The following KCNN3 variants were observed in gnomAD, a reference collection of about 807,000 sequenced individuals.
The protein encoded by KCNN3 is small conductance calcium-activated potassium channel protein 3.
Under a neutral mutation model 62.9 loss-of-function variants are expected in KCNN3, and 16 were observed. That is an observed-to-expected ratio of 0.25 (90% confidence interval 0.17 to 0.39). KCNN3 has a LOEUF of 0.39. KCNN3 is among the 10% of genes least tolerant of loss of function. The pLI, the probability that KCNN3 is intolerant of heterozygous loss-of-function variation, is 1.00. For missense variants in KCNN3, 599 were observed against 949.4 expected, an observed-to-expected ratio of 0.63 and a Z score of 4.85; for synonymous variants, 370 against 389.2, an observed-to-expected ratio of 0.95 and a Z score of 0.58.
At chr1:154,850,437 C>G (rs141244672) in intron 1 of KCNN3, among the ~76,000 whole-genome samples, 135 of 152,342 alleles carry the variant, frequency 8.9e-4, no homozygotes, top group African/African-American at 3.0e-3. Context: ...GTGCCAGCAT[C>G]AGACACCAGC....
At chr1:154,815,529 T>C (rs1231279245) in intron 2 of KCNN3, among the ~76,000 whole-genome samples, 1 of 152,208 alleles carries the variant, frequency 6.6e-6, no homozygotes, top group Non-Finnish European at 1.5e-5. Flanking sequence ...TGGGTCACAG[T>C]GGATAAAGGT....
chr1:154,779,784 C>T (rs1373092439), intron 2 of KCNN3, among the ~76,000 whole-genome samples: 1 of 152,196 alleles, frequency 6.6e-6, no homozygotes, highest in African/African-American at 2.4e-5. Context: ...GCATTCCATC[C>T]TTGGACGGCC....
chr1:154,811,280 A>G (rs6700814), intron 2 of KCNN3, among the ~76,000 whole-genome samples: 59,596 of 152,052 alleles, frequency 0.39, 13,426 homozygotes, highest in African/African-American at 0.62. Context: ...GCCTTGGTGG[A>G]GGCACACAAG....
chr1:154,719,034 G>C (rs1201575237), intron 5 of KCNN3, among the ~76,000 whole-genome samples: 1 of 152,078 alleles, frequency 6.6e-6, no homozygotes, highest in Non-Finnish European at 1.5e-5. Context: ...CTCTGCCCAG[G>C]TAACCTGCTA....
At chr1:154,719,072 G>A (rs1343521971) in intron 5 of KCNN3, among the ~76,000 whole-genome samples, 2 of 152,164 alleles carry the variant, frequency 1.3e-5, no homozygotes, top group South Asian at 2.1e-4. Flanking sequence ...GCTGTCGGTT[G>A]CGGCAAGAAT....
intron 2 of KCNN3, among the ~76,000 whole-genome samples, chr1:154,808,276 T>G (rs1013267558): frequency 1.3e-5 from 2 of 152,166 alleles, no homozygotes; most frequent in African/African-American, 4.8e-5. Flanking sequence ...ATTCTCACCT[T>G]TCAACATTCC....
In KCNN3 at chr1:154,869,404, G is replaced by A; in HGVS notation, c.561C>T (p.Pro187=). 6.2e-7 allele frequency: 1 copy of A among 1,614,034 alleles called. No individual in the cohort carries two copies. Among genetic ancestry groups the A allele is most frequent in the Non-Finnish European group, 8.5e-7 (1 of 1,179,954 alleles). The change falls in exon 1 of 8, where the codon CCC becomes CCT. Residue 187 remains proline, a synonymous_variant. Transcript: ENST00000271915. The surrounding 1 kb of genome is among the most constrained non-coding windows in gnomAD (Gnocchi z 6.1). ...TCCGGGAGGCGCTGAGGCGGCTGAG[G>A]GGCTTCATGACCCCACCGCTATACT... ...SCKYSGGVMK[P]LSRLSASRRN...
chr1:154,858,963 G>A (rs150003805), intron 1 of KCNN3, among the ~76,000 whole-genome samples: 1 of 152,278 alleles, frequency 6.6e-6, no homozygotes, highest in Admixed American at 6.5e-5. Flanking sequence ...GCCCACCCAG[G>A]CTAGCACACC....
At position 154,707,991 on chromosome 1, in the gene KCNN3, A is replaced by G; in HGVS notation, c.2181T>C (p.Ser727=). The G allele has an allele frequency of 6.2e-7, 1 of 1,613,452 alleles. No individual in the cohort carries two copies. The highest frequency in any genetic ancestry group is 1.1e-5 in the South Asian group (1 of 90,926). ...SSTSFPTPYT[S]SSSC ...GGAGATTTATTTAGCAACTGCTTGAACTTGTGTACGGGGTCGGGAAGGAGG... is the reference window on the plus strand; with the variant it reads ...GGAGATTTATTTAGCAACTGCTTGAGCTTGTGTACGGGGTCGGGAAGGAGG... The change falls in exon 8 of 8, where the codon AGT becomes AGC. Residue 727 remains serine (S), a synonymous_variant. Transcript: ENST00000271915.
At chr1:154,714,296 T>C (rs1700164886) in intron 6 of KCNN3, among the ~76,000 whole-genome samples, 1 of 135,288 alleles carries the variant, frequency 7.4e-6, no homozygotes, top group African/African-American at 2.8e-5. Context: ...GTGGTGTGTA[T>C]GGTGTGTGTG....
intron 2 of KCNN3, among the ~76,000 whole-genome samples, chr1:154,811,039 A>C (rs1379042675): frequency 1.3e-5 from 2 of 152,264 alleles, no homozygotes; most frequent in Non-Finnish European, 2.9e-5. Flanking sequence ...ACTGTCGCCA[A>C]GAATCACTGA....
intron 3 of KCNN3, among the ~76,000 whole-genome samples, chr1:154,754,367 G>T (rs1052324816): frequency 6.6e-6 from 1 of 152,064 alleles, no homozygotes. Flanking sequence ...ATGGGGCTGG[G>T]AGTGGCATAA....
chr1:154,748,215 T>C (rs1700981845), intron 3 of KCNN3, among the ~76,000 whole-genome samples: 1 of 152,156 alleles, frequency 6.6e-6, no homozygotes, highest in African/African-American at 2.4e-5. Flanking sequence ...TCTGGGTCTC[T>C]GCTTGCTCTC....
intron 1 of KCNN3, among the ~76,000 whole-genome samples, chr1:154,861,767 G>A (rs750748165): frequency 2.6e-5 from 4 of 152,194 alleles, no homozygotes; most frequent in East Asian, 3.8e-4. Flanking sequence ...AGGACTCTCC[G>A]GACTGTGGCT....
At chr1:154,721,777 C>T (rs570770744) in intron 5 of KCNN3, among the ~76,000 whole-genome samples, 90 of 151,858 alleles carry the variant, frequency 5.9e-4, no homozygotes, top group African/African-American at 2.1e-3. Flanking sequence ...AAGATGGGGA[C>T]ATGAAAACAC....
In KCNN3 at chr1:154,860,390, T is replaced by C. The variant is rs150513043; in HGVS notation, c.933+8642A>G. Among the ~76,000 whole-genome samples the C allele has an allele frequency of 3.9e-5, 6 of 152,280 alleles. No homozygotes were observed. In the East Asian group the frequency reaches 1.2e-3, roughly 29 times the overall value. On this transcript the variant is annotated intron_variant, in intron 1 of 7. Coordinates refer to ENST00000271915, the MANE Select transcript of KCNN3 (RefSeq NM_002249.6). ...CCTCCAGGCCTCTCAGCCTCTGGCC[T>C]GGCCCCACGGGTTTATTTTTGTTCT...
rs150167188 is a variant in KCNN3 at position 154,719,958 on chromosome 1, C to T, written c.1702-4955G>A. ...GGGTAGAGAGAGAGGAGGTGTATTTCCGTTGTTCAGAGTTGGAGCTTGAGG... is the reference window on the plus strand; with the variant it reads ...GGGTAGAGAGAGAGGAGGTGTATTTTCGTTGTTCAGAGTTGGAGCTTGAGG... On this transcript the variant is annotated intron_variant, in intron 5 of 7. Transcript: ENST00000271915. Among the ~76,000 whole-genome samples, 5 of 152,276 alleles carry T rather than the reference C, an allele frequency of 3.3e-5. No homozygotes were observed. The East Asian group carries it at 9.6e-4, about 29-fold the overall frequency.
chr1:154,747,821 A>G (rs903847965), intron 3 of KCNN3, among the ~76,000 whole-genome samples: 1 of 152,108 alleles, frequency 6.6e-6, no homozygotes, highest in Non-Finnish European at 1.5e-5. Context: ...GCCGCATCTT[A>G]TGACACCCCA....
intron 1 of KCNN3, among the ~76,000 whole-genome samples, chr1:154,867,508 G>A (rs183122283): frequency 4.1e-4 from 63 of 152,108 alleles, no homozygotes; most frequent in Middle Eastern, 3.4e-3. Flanking sequence ...TGCCCCACCC[G>A]TTTCCAGGGC....
Sources: gnomAD v4.1 joint callset for allele counts (sites outside exome capture counted in the v4.1 genomes callset) on GRCh38, gnomAD v4.1.1 for gene constraint, Gnocchi (gnomAD v3.1) non-coding constraint, MANE v1.5 for transcripts, NCBI Gene and HGNC (gene_info 2026-07-23, HGNC 2026-07-21) for gene names.